Variants in TMEM255B observed in about 807,000 individuals in gnomAD.
TMEM255B encodes family with sequence similarity 70, member B.
TMEM255B carries 35 observed loss-of-function variants against 34.5 expected under a neutral mutation model. The observed-to-expected ratio is 1.01, with a 90% CI of 0.77 to 1.34. The LOEUF (loss-of-function observed/expected upper bound fraction) is 1.34. Among genes scored for constraint, TMEM255B ranks in the 40% most tolerant of loss-of-function variants. The probability of loss-of-function intolerance (pLI) is 0.00; values close to 1 mark genes in which losing one functional copy is unlikely to be tolerated. For missense variants in TMEM255B, 432 were observed against 433.2 expected, an observed-to-expected ratio of 1.00 and a Z score of 0.02; for synonymous variants, 206 against 201.2, an observed-to-expected ratio of 1.02 and a Z score of -0.20.
chr13:113,811,048 C>G (rs1428855066), intron 8 of TMEM255B, among the ~76,000 whole-genome samples: 1 of 152,064 alleles, frequency 6.6e-6, no homozygotes, highest in Non-Finnish European at 1.5e-5. Context: ...CTGCCCCATG[C>G]AGCTGTGGAG....
chr13:113,796,298 CCA>C (rs1270666577), intron 4 of TMEM255B, among the ~76,000 whole-genome samples: 3 of 150,458 alleles, frequency 2.0e-5, no homozygotes, highest in Non-Finnish European at 3.0e-5. Flanking sequence ...GCCTCACACA[CCA>C]CACAGAGTAC....
intron 1 of TMEM255B, 106 bp downstream of exon 1, chr13:113,759,421 A>G: frequency 3.8e-6 from 4 of 1,050,276 alleles, no homozygotes; most frequent in Non-Finnish European, 4.9e-6. Flanking sequence ...CTGCGCGGAG[A>G]CGCGGCACGG....
rs1194816978 is a variant in TMEM255B at position 113,797,268 on chromosome 13, CAGACA to C, written c.342+2032_342+2036del. Among the ~76,000 whole-genome samples the C allele has an allele frequency of 2.6e-5, 4 of 152,258 alleles. No individual in the cohort carries two copies. In the East Asian group the frequency reaches 7.7e-4, roughly 29 times the overall value. ...CAGGGCTGACTTTAGGACGGATGCGCAGACAGCACTCACTGGAGCTCAGATGCCAT... is the reference window on the plus strand; with the variant it reads ...CAGGGCTGACTTTAGGACGGATGCGCGCACTCACTGGAGCTCAGATGCCAT... On this transcript the variant is annotated intron_variant, in intron 4 of 8. Coordinates refer to ENST00000375353, the MANE Select transcript of TMEM255B (RefSeq NM_182614.4).
rs2051180056 is a variant in TMEM255B at position 113,806,798 on chromosome 13, A to G, written c.813+1770A>G. ...CTGGTCTCCCGTGGGAAGTTTGCCA[A>G]GCCCAGAACTGGAGGCCCGCAGGGG... On this transcript the variant is annotated intron_variant, in intron 8 of 8. Coordinates refer to ENST00000375353, the MANE Select transcript of TMEM255B (RefSeq NM_182614.4). The surrounding 1 kb of genome is among the most constrained non-coding windows in gnomAD (Gnocchi z 4.2). Among the ~76,000 whole-genome samples, 1 of 150,782 alleles carries G rather than the reference A, an allele frequency of 6.6e-6. No homozygotes were observed. Among genetic ancestry groups the G allele is most frequent in the African/African-American group, 2.4e-5 (1 of 41,204 alleles).
In TMEM255B at chr13:113,816,683, A is replaced by T. The variant is rs933165932; in HGVS notation, c.*4780A>T. The T allele has an allele frequency of 1.3e-5, 2 of 152,260 alleles. No homozygotes were observed. Among genetic ancestry groups the T allele is most frequent in the African/African-American group, 2.4e-5 (1 of 41,452 alleles). 9.4% of individuals were successfully genotyped at this position (152,260 alleles called of 1,614,324 possible). The stretch of plus-strand genomic sequence containing the variant: ...AAACTCTGGAGACCCACAGAGGCAG[A>T]AGAGGATTCCACGAGGCCGGGGCCC... On this transcript the variant is annotated 3_prime_UTR_variant, in exon 9 of 9. Coordinates refer to ENST00000375353, the MANE Select transcript of TMEM255B (RefSeq NM_182614.4).
Position 113,806,824 on chromosome 13 carries a change from T to TAGAAGGAGGAGGCCTGCAGGGGC in TMEM255B, c.813+1810_813+1811insTGCAGGGGCAGAAGGAGGAGGCC, listed in dbSNP as rs2051180925. Among the ~76,000 whole-genome samples, 7 of 112,626 alleles carry TAGAAGGAGGAGGCCTGCAGGGGC rather than the reference T, an allele frequency of 6.2e-5. No homozygotes were observed. In the South Asian group the frequency reaches 1.6e-3, roughly 26 times the overall value. The allele number at this position is 112,626 out of a possible 152,430, so 73.9% of individuals were successfully genotyped here. ...GCCCAGAACTGGAGGCCCGCAGGGG[T>TAGAAGGAGGAGGCCTGCAGGGGC]AGAAGGAGGAGGCCCGCAGGGGCAG... On this transcript the variant is annotated intron_variant, in intron 8 of 8. Coordinates refer to ENST00000375353, the MANE Select transcript of TMEM255B (RefSeq NM_182614.4). This position sits in a 1 kb window ranked among gnomAD's most constrained non-coding sequence, Gnocchi z 4.2.
intron 8 of TMEM255B, among the ~76,000 whole-genome samples, chr13:113,805,891 C>G (rs943366951): frequency 2.0e-5 from 3 of 152,164 alleles, no homozygotes; most frequent in African/African-American, 7.2e-5. Flanking sequence ...CTGGCAGGTC[C>G]TTTTGCGTGA....
intron 3 of TMEM255B, among the ~76,000 whole-genome samples, chr13:113,781,566 A>G (rs2050666865): frequency 6.6e-6 from 1 of 152,190 alleles, no homozygotes; most frequent in Non-Finnish European, 1.5e-5. Flanking sequence ...TACGTTTGGG[A>G]TTTTAAATGA....
chr13:113,761,829 A>T (rs973372651), intron 1 of TMEM255B, among the ~76,000 whole-genome samples: 1 of 152,090 alleles, frequency 6.6e-6, no homozygotes, highest in Non-Finnish European at 1.5e-5. Flanking sequence ...GTACCAGGAG[A>T]TGTGTCTATG....
At chr13:113,791,549 G>A (rs559307738) in intron 3 of TMEM255B, among the ~76,000 whole-genome samples, 21 of 152,304 alleles carry the variant, frequency 1.4e-4, no homozygotes, top group African/African-American at 4.8e-4. Flanking sequence ...GGCTCTGAGG[G>A]TGGTGACTCA....
rs541572898 is a variant in TMEM255B at position 113,766,785 on chromosome 13, G to A, written c.189+528G>A. Among the ~76,000 whole-genome samples, 5 of 152,340 alleles carry A rather than the reference G, an allele frequency of 3.3e-5. No homozygotes were observed. In the East Asian group the frequency reaches 9.6e-4, roughly 29 times the overall value. On this transcript the variant is annotated intron_variant, in intron 2 of 8. Transcript: ENST00000375353. ...TCGTATTAGTGACGTGATCGCGTGG[G>A]AACGGCCAGAAGGTGGTGGTGCTGA...
chr13:113,768,324 G>C, intron 2 of TMEM255B: 1 of 448,784 alleles, frequency 2.2e-6, no homozygotes, highest in South Asian at 1.6e-5. Flanking sequence ...TCTGCCAGGT[G>C]GGCGTCACCT....
chr13:113,775,699 A>C (rs1315847820), intron 3 of TMEM255B, among the ~76,000 whole-genome samples: 1 of 152,198 alleles, frequency 6.6e-6, no homozygotes, highest in Non-Finnish European at 1.5e-5. Context: ...GCACAGGCGG[A>C]GCATGGGCAC....
intron 1 of TMEM255B, among the ~76,000 whole-genome samples, chr13:113,764,481 C>G (rs1378671267): frequency 1.3e-5 from 2 of 152,170 alleles, no homozygotes; most frequent in African/African-American, 4.8e-5. Context: ...AGGAGGGCCT[C>G]ACTCCACACC....
At chr13:113,772,054 G>A (rs1158070420) in intron 3 of TMEM255B, among the ~76,000 whole-genome samples, 1 of 152,132 alleles carries the variant, frequency 6.6e-6, no homozygotes, top group Non-Finnish European at 1.5e-5. Context: ...TGTGATAAGT[G>A]GTATCTCATT....
chr13:113,789,522 C>T (rs985065012), intron 3 of TMEM255B, among the ~76,000 whole-genome samples: 1 of 152,188 alleles, frequency 6.6e-6, no homozygotes, highest in Non-Finnish European at 1.5e-5. Flanking sequence ...TGGGCTGTTC[C>T]CTGAGGCAGC....
rs772783823 is a variant in TMEM255B at position 113,799,348 on chromosome 13, C to T, written c.352C>T (p.Pro118Ser). ...TTATCTGTTTCTCTAGGAACCGAGG[C>T]CCCTCACCACGGGAAGATGCCAGTT... ...VFAAQHIEPRPLTTGRCQFYS... is the reference protein window; with the variant it reads ...VFAAQHIEPRSLTTGRCQFYS... Residue 118 changes from proline to serine, a missense_variant, in exon 5 of 9, where the codon CCC becomes TCC. By Grantham distance (74) the Pro-to-Ser change is moderately conservative. Coordinates refer to ENST00000375353, the MANE Select transcript of TMEM255B (RefSeq NM_182614.4). 2 of 1,614,052 alleles carry T rather than the reference C, an allele frequency of 1.2e-6. No homozygotes were observed. The highest frequency in any genetic ancestry group is 1.7e-6 in the Non-Finnish European group (2 of 1,180,018).
At position 113,806,092 on chromosome 13, in the gene TMEM255B, T is replaced by C. The variant is rs2138581946; in HGVS notation, c.813+1064T>C. On this transcript the variant is annotated intron_variant, in intron 8 of 8. Coordinates refer to ENST00000375353, the MANE Select transcript of TMEM255B (RefSeq NM_182614.4). The surrounding 1 kb of genome is among the most constrained non-coding windows in gnomAD (Gnocchi z 4.2). Reference sequence around the variant, plus strand: ...GAGGACCCTCTCCCGACACATGACGTTGTCAGGAAAAGATCTTCCTTAGAG... The same window carrying C: ...GAGGACCCTCTCCCGACACATGACGCTGTCAGGAAAAGATCTTCCTTAGAG... Among the ~76,000 whole-genome samples, 1 of 152,164 alleles carries C rather than the reference T, an allele frequency of 6.6e-6. No individual in the cohort carries two copies. The highest frequency in any genetic ancestry group is 1.5e-5 in the Non-Finnish European group (1 of 67,998).
rs1218474089 is a variant in TMEM255B, at chr13:113,800,821, C to T, written c.424-6C>T. ...CATGTGACCTGACAAGGCCTCTCTG[C>T]CCCAGGTCACCTGTCACTCCCTGGA... is the stretch of plus-strand genomic sequence containing the variant. On this transcript the variant is annotated splice_polypyrimidine_tract_variant and splice_region_variant and intron_variant, in intron 5 of 8. Coordinates refer to ENST00000375353, the MANE Select transcript of TMEM255B (RefSeq NM_182614.4). The T allele has an allele frequency of 1.2e-6, 2 of 1,602,478 alleles. No individual in the cohort carries two copies. Among genetic ancestry groups the T allele is most frequent in the African/African-American group, 1.3e-5 (1 of 74,888 alleles).
Sources: allele counts gnomAD v4.1 joint callset (sites outside exome capture counted in the v4.1 genomes callset), GRCh38; gene constraint gnomAD v4.1.1; non-coding constraint Gnocchi (gnomAD v3.1); transcripts MANE v1.5; gene names NCBI Gene and HGNC (gene_info 2026-07-23, HGNC 2026-07-21).